CCDC192: variants seen among roughly 807,000 people sequenced by gnomAD.
CCDC192 encodes coiled-coil domain-containing protein 192.
intron 6 of CCDC192, among the ~76,000 whole-genome samples, chr5:127,896,163 G>A (rs1752875642): frequency 6.6e-6 from 1 of 152,104 alleles, no homozygotes; most frequent in African/African-American, 2.4e-5. Flanking sequence ...TTTCAGGTGG[G>A]TGTGGTGGCT....
At chr5:127,723,416 T>A (rs918526064) in intron 2 of CCDC192, among the ~76,000 whole-genome samples, 4 of 152,212 alleles carry the variant, frequency 2.6e-5, no homozygotes, top group African/African-American at 9.6e-5. Flanking sequence ...AAGGATAATT[T>A]GACTTCTTCC....
chr5:127,706,488 C>T (rs1371456094), intron 1 of CCDC192, among the ~76,000 whole-genome samples: 1 of 136,614 alleles, frequency 7.3e-6, no homozygotes, highest in East Asian at 2.2e-4. Flanking sequence ...TGTGCTACTG[C>T]ACTCCAGCCT....
chr5:127,918,975 ATG>A lies in CCDC192; in HGVS notation c.536-22198_536-22197del, dbSNP rs565838737. ...TATATATGTGTGTGTCTGTGTGTAT[ATG>A]TGTGTGTGCATGTTTGTATATGTGT... On this transcript the variant is annotated intron_variant, in intron 6 of 6. Coordinates refer to ENST00000514853, the MANE Select transcript of CCDC192 (RefSeq NM_001317938.2). Among the ~76,000 whole-genome samples, 331 of 140,250 alleles carry A rather than the reference ATG, an allele frequency of 2.4e-3. 2 individuals carry two copies. The highest frequency in any genetic ancestry group is 0.016 in the Middle Eastern group (4 of 256). 92.0% of individuals were successfully genotyped at this position (140,250 alleles called of 152,430 possible).
chr5:127,775,446 C>T (rs1026593514), intron 3 of CCDC192, among the ~76,000 whole-genome samples: 1 of 152,144 alleles, frequency 6.6e-6, no homozygotes, highest in African/African-American at 2.4e-5. Context: ...CCATGTTTTC[C>T]CCTTGCTCCC....
intron 6 of CCDC192, among the ~76,000 whole-genome samples, chr5:127,912,665 C>T (rs947382246): frequency 1.3e-5 from 2 of 152,018 alleles, no homozygotes; most frequent in Non-Finnish European, 2.9e-5. Context: ...CTATTATATC[C>T]AAAAGATGCA....
chr5:127,725,324 C>G (rs790832), intron 2 of CCDC192, among the ~76,000 whole-genome samples: 1 of 151,952 alleles, frequency 6.6e-6, no homozygotes, highest in Admixed American at 6.5e-5. Context: ...GTCTATTTCA[C>G]TTACATGATT....
intron 6 of CCDC192, among the ~76,000 whole-genome samples, chr5:127,900,181 G>A (rs752682623): frequency 1.4e-4 from 21 of 152,058 alleles, no homozygotes; most frequent in African/African-American, 4.3e-4. Flanking sequence ...CCTTAAGACC[G>A]GAATAGCGTT....
rs192413408 is a variant in CCDC192, at chr5:127,857,171, A to G, written c.412-18367A>G. Among the ~76,000 whole-genome samples the G allele has an allele frequency of 3.3e-5, 5 of 152,338 alleles. No homozygotes were observed. In the East Asian group the frequency reaches 7.7e-4, roughly 23 times the overall value. ...GAGCTACATCTCCATGATACCAACA[A>G]TAACACCCCACCTCACATGAACACT... is the stretch of plus-strand genomic sequence containing the variant. On this transcript the variant is annotated intron_variant, in intron 5 of 6. Coordinates refer to ENST00000514853, the MANE Select transcript of CCDC192 (RefSeq NM_001317938.2).
At chr5:127,719,472 CATACATAT>C (rs1339348171) in intron 2 of CCDC192, among the ~76,000 whole-genome samples, 12 of 84,048 alleles carry the variant, frequency 1.4e-4, no homozygotes, top group African/African-American at 5.3e-4. Flanking sequence ...TATACAGACA[CATACATAT>C]ATATATATAT....
At chr5:127,781,664 T>C (rs1309088347) in intron 3 of CCDC192, among the ~76,000 whole-genome samples, 2 of 152,032 alleles carry the variant, frequency 1.3e-5, no homozygotes. Flanking sequence ...ATAGAAGAGC[T>C]ACTGATTTGT....
rs572293828 is a variant in CCDC192 at position 127,917,179 on chromosome 5, C to CCT, written c.536-24001_536-24000dup. ...GCTTCCAGCTTTTCTACTTCAGCTTCCTCACCTCTCTCAGCCTTCATTGAA... is the reference window on the plus strand; with the variant it reads ...GCTTCCAGCTTTTCTACTTCAGCTTCCTCTCACCTCTCTCAGCCTTCATTGAA... On this transcript the variant is annotated intron_variant, in intron 6 of 6. Transcript: ENST00000514853. 1.7e-4 allele frequency among the ~76,000 whole-genome samples: 26 copies of CCT among 152,328 alleles called. No homozygotes were observed. In the East Asian group the frequency reaches 4.8e-3, roughly 28 times the overall value.
At chr5:127,762,624 T>G (rs1754994924) in intron 3 of CCDC192, among the ~76,000 whole-genome samples, 2 of 152,188 alleles carry the variant, frequency 1.3e-5, no homozygotes, top group Admixed American at 6.5e-5. Flanking sequence ...ACTAAAAACT[T>G]CCTTTTGCTT....
rs186639691 is a variant in CCDC192, at chr5:127,786,703, G to A, written c.223-10400G>A. The A allele has an allele frequency of 1.4e-3, 1,014 of 744,986 alleles. 7 individuals are homozygous for A. The highest frequency in any genetic ancestry group is 0.012 in the Middle Eastern group (44 of 3,632). 46.1% of individuals were successfully genotyped at this position (744,986 alleles called of 1,614,324 possible). On this transcript the variant is annotated intron_variant, in intron 3 of 6. Coordinates refer to ENST00000514853, the MANE Select transcript of CCDC192 (RefSeq NM_001317938.2). ...TCCCATTGTTGAGTGTAGAATTTCA[G>A]TACACTCTTGTCCATCAAATCTTCT...
At chr5:127,831,241 A>G (rs1274696704) in intron 5 of CCDC192, among the ~76,000 whole-genome samples, 3 of 152,036 alleles carry the variant, frequency 2.0e-5, no homozygotes, top group East Asian at 1.9e-4. Flanking sequence ...TATATTTTTT[A>G]AGTTCATAAG....
chr5:127,845,294 T>C (rs992013494), intron 5 of CCDC192, among the ~76,000 whole-genome samples: 2 of 152,160 alleles, frequency 1.3e-5, no homozygotes, highest in African/African-American at 4.8e-5. Flanking sequence ...TGGGCCGCCC[T>C]TTCAAGACAT....
chr5:127,770,958 A>G (rs987537915), intron 3 of CCDC192, among the ~76,000 whole-genome samples: 4 of 152,178 alleles, frequency 2.6e-5, no homozygotes, highest in Non-Finnish European at 4.4e-5. Context: ...ATCTTTTAAT[A>G]ATTCTATGGC....
intron 5 of CCDC192, among the ~76,000 whole-genome samples, chr5:127,868,225 C>T (rs1389536566): frequency 6.6e-6 from 1 of 152,120 alleles, no homozygotes; most frequent in Non-Finnish European, 1.5e-5. Flanking sequence ...TTAGGTCCCA[C>T]TGCAGATTCC....
At chr5:127,806,267 C>A (rs1454917997) in intron 5 of CCDC192, among the ~76,000 whole-genome samples, 3 of 152,152 alleles carry the variant, frequency 2.0e-5, no homozygotes, top group African/African-American at 4.8e-5. Flanking sequence ...GAGTTGGGTT[C>A]ATTACATCAC....
At chr5:127,926,980 A>G (rs925939372) in intron 6 of CCDC192, among the ~76,000 whole-genome samples, 4 of 152,188 alleles carry the variant, frequency 2.6e-5, no homozygotes, top group African/African-American at 7.2e-5. Flanking sequence ...AAGACTGTCA[A>G]CAGGGCAAAT....
Sources: gnomAD v4.1 joint callset for allele counts (sites outside exome capture counted in the v4.1 genomes callset) on GRCh38, gnomAD v4.1.1 for gene constraint, MANE v1.5 for transcripts, NCBI Gene and HGNC (gene_info 2026-07-23, HGNC 2026-07-21) for gene names.